COL25A1: variants seen among roughly 807,000 people sequenced by gnomAD.
The protein encoded by COL25A1 is collagen alpha-1(XXV) chain.
In COL25A1, 103 loss-of-function variants were observed where a neutral mutation model predicts 128.4. That is an observed-to-expected ratio of 0.80 (90% CI 0.68 to 0.94). The LOEUF is 0.94. Ranked by LOEUF, COL25A1 falls within the 40% of genes least tolerant of loss-of-function variation. COL25A1 has a pLI of 0.00. For missense variants in COL25A1, 745 were observed against 840.0 expected (o/e 0.89, Z 1.40); for synonymous variants, 279 against 277.2 (o/e 1.01, Z -0.06).
At chr4:109,143,444 G>A (rs1770628657) in intron 3 of COL25A1, among the ~76,000 whole-genome samples, 2 of 152,230 alleles carry the variant, frequency 1.3e-5, no homozygotes, top group East Asian at 3.9e-4. Context: ...GAATTTGAAT[G>A]TTGGCATGTC....
chr4:109,167,263 A>AT (rs771806665), intron 3 of COL25A1, among the ~76,000 whole-genome samples: 7 of 152,148 alleles, frequency 4.6e-5, no homozygotes, highest in Non-Finnish European at 1.0e-4. Context: ...TCAGGATAAC[A>AT]TGTGTGCAAA....
chr4:109,267,789 T>TA (rs879534172), intron 3 of COL25A1, among the ~76,000 whole-genome samples: 5 of 151,600 alleles, frequency 3.3e-5, no homozygotes, highest in South Asian at 2.1e-4. Flanking sequence ...ATTTCTAACT[T>TA]AAAAAAAAAT....
intron 3 of COL25A1, among the ~76,000 whole-genome samples, chr4:109,108,804 G>C (rs1424411463): frequency 6.6e-6 from 1 of 151,864 alleles, no homozygotes; most frequent in African/African-American, 2.4e-5. Flanking sequence ...ATAAATTTAA[G>C]TACATTTTAG....
chr4:108,884,594 A>G (rs1226924868), intron 18 of COL25A1, among the ~76,000 whole-genome samples: 1 of 152,228 alleles, frequency 6.6e-6, no homozygotes, highest in African/African-American at 2.4e-5. Flanking sequence ...GCATTTCAAC[A>G]ATGCATCCTA....
rs376185839 is a variant in COL25A1, at chr4:109,119,235, T to C, written c.368-69056A>G. ...AGTGCTTAGAGGAAAATTTATAGCA[T>C]TGGATGCACGTATTAGAAAAGAAGA... On this transcript the variant is annotated intron_variant, in intron 3 of 37. Coordinates refer to ENST00000399132, the MANE Select transcript of COL25A1 (RefSeq NM_198721.4). Among the ~76,000 whole-genome samples the C allele has an allele frequency of 3.2e-4, 49 of 152,058 alleles. No individual in the cohort carries two copies. The East Asian group carries it at 5.2e-3, about 16-fold the overall frequency.
intron 17 of COL25A1, 113 bp from the exon 18 acceptor site, chr4:108,889,369 T>C (rs1458054501): frequency 1.1e-6 from 1 of 945,140 alleles, no homozygotes; most frequent in Non-Finnish European, 1.7e-6. Flanking sequence ...CAACCACATG[T>C]CTTTTATTTC....
chr4:109,097,758 G>C (rs961060985), intron 3 of COL25A1, among the ~76,000 whole-genome samples: 1 of 149,372 alleles, frequency 6.7e-6, no homozygotes, highest in Admixed American at 6.7e-5. Context: ...CCGCCTCCTG[G>C]GTTCAGGCGA....
chr4:108,985,387 C>G (rs150470117), intron 6 of COL25A1, among the ~76,000 whole-genome samples: 54 of 152,290 alleles, frequency 3.5e-4, no homozygotes, highest in Non-Finnish European at 6.5e-4. Flanking sequence ...TGCCTTTGCC[C>G]ATTACTCCCT....
intron 3 of COL25A1, among the ~76,000 whole-genome samples, chr4:109,132,849 G>T (rs1412075516): frequency 3.3e-5 from 5 of 151,974 alleles, no homozygotes; most frequent in East Asian, 1.9e-4. Flanking sequence ...GTTCTGCTTT[G>T]ATTTTTCTAC....
At chr4:108,869,479 T>A (rs1018076954) in intron 19 of COL25A1, among the ~76,000 whole-genome samples, 1 of 152,170 alleles carries the variant, frequency 6.6e-6, no homozygotes, top group Non-Finnish European at 1.5e-5. Flanking sequence ...GCGGGCTCAA[T>A]ACCTGTGCCT....
rs6533389 is a variant in COL25A1, at chr4:108,813,153, T to C, written c.*774A>G. 75,615 of 152,090 alleles carry C rather than the reference T, an allele frequency of 0.5. 19,639 individuals are homozygous for C. Among genetic ancestry groups the C allele is most frequent in the Middle Eastern group, 0.65 (190 of 294 alleles). 9.4% of individuals were successfully genotyped at this position (152,090 alleles called of 1,614,324 possible). A position where few individuals can be genotyped will look rare whatever the true frequency, so the allele number is the denominator to read the frequency against. ...CCAAGGGCAGCCCAAGGAAAACTGGTGGCAGCAACAGGCTCAACCCCTTCG... is the reference window on the plus strand; with the variant it reads ...CCAAGGGCAGCCCAAGGAAAACTGGCGGCAGCAACAGGCTCAACCCCTTCG... On this transcript the variant is annotated 3_prime_UTR_variant, in exon 38 of 38. Transcript: ENST00000399132.
rs760689752 is a variant in COL25A1, at chr4:109,050,164, C to T, written c.383G>A (p.Arg128Gln). ...CNCPAGPPGK[R>Q]GKRGRRGESG... ...TTCTCCTCTTCGGCCTCTCTTACCT[C>T]GTTTCCCTGGAGGGCCTGAAATACA... Residue 128 changes from arginine (R) to glutamine (Q), a missense_variant, in exon 4 of 38, where the codon CGA becomes CAA. Coordinates refer to ENST00000399132, the MANE Select transcript of COL25A1 (RefSeq NM_198721.4). 1.3e-5 allele frequency: 21 copies of T among 1,608,122 alleles called. No homozygotes were observed. Among genetic ancestry groups the T allele is most frequent in the Admixed American group, 3.3e-5 (2 of 59,744 alleles).
chr4:109,220,480 T>C (rs1778333886), intron 3 of COL25A1, among the ~76,000 whole-genome samples: 1 of 152,216 alleles, frequency 6.6e-6, no homozygotes, highest in Non-Finnish European at 1.5e-5. Context: ...CCCCATGGAA[T>C]GCAGGGAATT....
At chr4:108,888,736 TA>T (rs1273343338) in intron 18 of COL25A1, among the ~76,000 whole-genome samples, 1 of 152,166 alleles carries the variant, frequency 6.6e-6, no homozygotes, top group Admixed American at 6.5e-5. Context: ...ATAAATCACA[TA>T]AAAAATTATC....
At chr4:108,902,222 T>C (rs891579887) in intron 13 of COL25A1, among the ~76,000 whole-genome samples, 6 of 152,022 alleles carry the variant, frequency 3.9e-5, no homozygotes, top group African/African-American at 9.7e-5. Flanking sequence ...AAAACATATA[T>C]ATTAATAATA....
intron 13 of COL25A1, among the ~76,000 whole-genome samples, chr4:108,904,726 C>A (rs1743257136): frequency 6.6e-6 from 1 of 151,952 alleles, no homozygotes; most frequent in Admixed American, 6.6e-5. Flanking sequence ...GAGGGCATTC[C>A]ATAGATGGTA....
chr4:109,144,870 A>G (rs1770776710), intron 3 of COL25A1, among the ~76,000 whole-genome samples: 1 of 152,166 alleles, frequency 6.6e-6, no homozygotes, highest in African/African-American at 2.4e-5. Flanking sequence ...GGAAACTAGT[A>G]ATTAATTCAG....
intron 3 of COL25A1, among the ~76,000 whole-genome samples, chr4:109,080,766 T>C (rs1682771079): frequency 6.6e-6 from 1 of 152,194 alleles, no homozygotes; most frequent in Admixed American, 6.5e-5. Context: ...AATTAGATTT[T>C]GCCACCTAAA....
At chr4:108,948,023 A>G (rs945743247) in intron 8 of COL25A1, among the ~76,000 whole-genome samples, 1 of 152,204 alleles carries the variant, frequency 6.6e-6, no homozygotes, top group Non-Finnish European at 1.5e-5. Flanking sequence ...CACGACCATC[A>G]CAGTGGGCAT....
Sources: gnomAD v4.1 joint callset for allele counts (sites outside exome capture counted in the v4.1 genomes callset) on GRCh38, gnomAD v4.1.1 for gene constraint, MANE v1.5 for transcripts, NCBI Gene and HGNC (gene_info 2026-07-23, HGNC 2026-07-21) for gene names.